Variants in MAP3K13 observed in about 807,000 individuals in gnomAD.
MAP3K13 encodes mitogen-activated protein kinase kinase kinase 13.
In MAP3K13, 52 loss-of-function variants were observed where a neutral mutation model predicts 104.0. That is an observed-to-expected ratio of 0.50 (90% CI 0.40 to 0.63). The LOEUF is 0.63. Ranked by LOEUF, MAP3K13 falls within the 20% of genes least tolerant of loss-of-function variation. The probability of loss-of-function intolerance (pLI) is 0.00; values close to 1 mark genes in which losing one functional copy is unlikely to be tolerated. For missense variants in MAP3K13, 914 were observed against 1,218.5 expected (o/e 0.75, Z 3.72); for synonymous variants, 394 against 442.2 (o/e 0.89, Z 1.37).
intron 1 of MAP3K13, among the ~76,000 whole-genome samples, chr3:185,369,275 T>G (rs1724041503): frequency 6.6e-6 from 1 of 152,190 alleles, no homozygotes. Flanking sequence ...ATTGTTTATG[T>G]GCGGATATTG....
In MAP3K13 at chr3:185,378,008, G is replaced by C. The variant is rs957411998; in HGVS notation, c.-86+14640G>C. Among the ~76,000 whole-genome samples, 21 of 151,520 alleles carry C rather than the reference G, an allele frequency of 1.4e-4. 1 individual carries two copies. Among genetic ancestry groups the C allele is most frequent in the Middle Eastern group, 3.4e-3 (1 of 294 alleles). ...GCACTTGTAGCAAGCTCCTGGGGTG[G>C]GGGGAGGTTCTGGAGGAACCCCTGG... On this transcript the variant is annotated intron_variant, in intron 1 of 13. Coordinates refer to ENST00000265026, the MANE Select transcript of MAP3K13 (RefSeq NM_004721.5).
intron 1 of MAP3K13, among the ~76,000 whole-genome samples, chr3:185,365,126 T>G (rs1577468175): frequency 6.6e-6 from 1 of 152,360 alleles, no homozygotes; most frequent in Non-Finnish European, 1.5e-5. Flanking sequence ...TTGGATTTAC[T>G]AAAGTAAAAC....
intron 12 of MAP3K13, 50 bp downstream of exon 12, chr3:185,477,446 A>T: frequency 6.9e-7 from 1 of 1,453,796 alleles, no homozygotes; most frequent in Non-Finnish European, 9.7e-7. Context: ...GGGGAAAAAA[A>T]ATCCTAAGTT....
intron 1 of MAP3K13, among the ~76,000 whole-genome samples, chr3:185,415,840 C>G (rs1454165504): frequency 6.6e-6 from 1 of 152,096 alleles, no homozygotes; most frequent in African/African-American, 2.4e-5. Flanking sequence ...GCCTCGACCT[C>G]CCAAAGTGCC....
intron 1 of MAP3K13, chr3:185,417,949 T>C (rs1332280011): frequency 9.3e-6 from 15 of 1,606,938 alleles, no homozygotes; most frequent in Non-Finnish European, 1.3e-5. Flanking sequence ...GGGAAGATTG[T>C]AGTTACTCTT....
At chr3:185,376,036 G>T (rs1724411791) in intron 1 of MAP3K13, among the ~76,000 whole-genome samples, 1 of 152,170 alleles carries the variant, frequency 6.6e-6, no homozygotes, top group African/African-American at 2.4e-5. Context: ...TGCCTTTGCT[G>T]GTGAGTGGTG....
chr3:185,376,465 G>T (rs55755009), intron 1 of MAP3K13, among the ~76,000 whole-genome samples: 38,705 of 151,942 alleles, frequency 0.25, 5,089 homozygotes, highest in Admixed American at 0.3. Flanking sequence ...GGACAGAAAG[G>T]CTACAGGGCG....
chr3:185,350,112 G>T (rs1010511813), intron 2 of MAP3K13, among the ~76,000 whole-genome samples: 1 of 152,186 alleles, frequency 6.6e-6, no homozygotes, highest in Non-Finnish European at 1.5e-5. Flanking sequence ...GAGCACTTAT[G>T]AATTGATCCA....
At chr3:185,355,565 G>A (rs978843350) in intron 2 of MAP3K13, among the ~76,000 whole-genome samples, 1 of 152,158 alleles carries the variant, frequency 6.6e-6, no homozygotes, top group South Asian at 2.1e-4. Flanking sequence ...AACCTAGGAG[G>A]CAGAGGTTTC....
rs1386263294 is a variant in MAP3K13 at position 185,460,694 on chromosome 3, C to T, written c.1279-2856C>T. Among the ~76,000 whole-genome samples, 3 of 152,298 alleles carry T rather than the reference C, an allele frequency of 2.0e-5. 1 individual carries two copies. The highest frequency in any genetic ancestry group is 4.2e-4 in the South Asian group (2 of 4,816). On this transcript the variant is annotated intron_variant, in intron 7 of 13. Coordinates refer to ENST00000265026, the MANE Select transcript of MAP3K13 (RefSeq NM_004721.5). ...ACAAGTGCCAGGAATAGGATACCTT[C>T]GGGGGAAACACATTATTCATCAGTA...
At chr3:185,327,247 G>A (rs1722070838) in intron 2 of MAP3K13, among the ~76,000 whole-genome samples, 2 of 152,146 alleles carry the variant, frequency 1.3e-5, no homozygotes, top group South Asian at 2.1e-4. Context: ...CCACAGCTGG[G>A]AGGGAAAAGT....
intron 7 of MAP3K13, among the ~76,000 whole-genome samples, chr3:185,459,669 C>T (rs1228634653): frequency 6.6e-6 from 1 of 151,944 alleles, no homozygotes. Flanking sequence ...AAGCTGGTCT[C>T]GAACTCCTGA....
upstream of MAP3K13, among the ~76,000 whole-genome samples, chr3:185,359,611 A>G (rs1403770862): frequency 1.3e-5 from 2 of 152,198 alleles, no homozygotes; most frequent in Non-Finnish European, 2.9e-5. Context: ...TACATGTGTT[A>G]TAATATTACT....
intron 1 of MAP3K13, among the ~76,000 whole-genome samples, chr3:185,384,178 T>C (rs1374433484): frequency 6.6e-6 from 1 of 152,152 alleles, no homozygotes; most frequent in Non-Finnish European, 1.5e-5. Context: ...AGCTCCCACA[T>C]ATGAATGAGA....
chr3:185,297,239 C>T (rs1720947146), intron 2 of MAP3K13, among the ~76,000 whole-genome samples: 1 of 152,182 alleles, frequency 6.6e-6, no homozygotes, highest in East Asian at 1.9e-4. Context: ...AGATGGTAGT[C>T]ACAGCTACTA....
chr3:185,461,906 T>C (rs183963008), intron 7 of MAP3K13, among the ~76,000 whole-genome samples: 26 of 152,016 alleles, frequency 1.7e-4, no homozygotes, highest in Non-Finnish European at 3.7e-4. Flanking sequence ...TTTAAAAATA[T>C]ATATAGGCAA....
intron 1 of MAP3K13, among the ~76,000 whole-genome samples, chr3:185,371,463 A>T (rs557847066): frequency 6.6e-6 from 1 of 152,240 alleles, no homozygotes; most frequent in Admixed American, 6.5e-5. Context: ...CAGGAAAAAC[A>T]ATGTAGAACA....
chr3:185,307,546 C>CCCCCCCCCCCCCCCCCCCCA (rs58408265), intron 2 of MAP3K13, among the ~76,000 whole-genome samples: 4 of 103,978 alleles, frequency 3.8e-5, no homozygotes, highest in Non-Finnish European at 3.6e-5. Context: ...GCACCACCCC[C>CCCCCCCCCCCCCCCCCCCCA]TCCCCCGCCA....
intron 1 of MAP3K13, among the ~76,000 whole-genome samples, chr3:185,383,423 G>A (rs1407532969): frequency 1.1e-4 from 16 of 151,944 alleles, no homozygotes; most frequent in African/African-American, 7.3e-5. Flanking sequence ...TTAGCTGGGC[G>A]TGGTGGCGGG....
Sources: gnomAD v4.1 joint callset for allele counts (sites outside exome capture counted in the v4.1 genomes callset) on GRCh38, gnomAD v4.1.1 for gene constraint, MANE v1.5 for transcripts, NCBI Gene and HGNC (gene_info 2026-07-23, HGNC 2026-07-21) for gene names.